ERBB4: variants seen among roughly 807,000 people sequenced by gnomAD.
ERBB4 encodes receptor tyrosine-protein kinase erbB-4.
Under a neutral mutation model 158.0 loss-of-function variants are expected in ERBB4, and 42 were observed. The ratio of observed to expected loss-of-function variants is 0.27; its 90% CI spans 0.21 to 0.34. The LOEUF is 0.34. Among genes scored for constraint, ERBB4 ranks in the 10% least tolerant of loss-of-function variants. ERBB4 has a pLI of 1.00. For missense variants in ERBB4, 1,333 were observed against 1,624.1 expected, an observed-to-expected ratio of 0.82 and a Z score of 3.08; for synonymous variants, 583 against 558.7, an observed-to-expected ratio of 1.04 and a Z score of -0.61.
At chr2:212,218,075 AG>A (rs1193156352) in intron 1 of ERBB4, among the ~76,000 whole-genome samples, 1 of 151,254 alleles carries the variant, frequency 6.6e-6, no homozygotes, top group Non-Finnish European at 1.5e-5. Flanking sequence ...TATTATGAAA[AG>A]TAACATAATA....
chr2:212,300,147 G>C (rs2086564841), intron 1 of ERBB4, among the ~76,000 whole-genome samples: 1 of 151,524 alleles, frequency 6.6e-6, no homozygotes, highest in African/African-American at 2.4e-5. Context: ...AAGAGGAAAG[G>C]ATTCATTACT....
At chr2:211,405,996 C>T (rs1165991310) in intron 25 of ERBB4, among the ~76,000 whole-genome samples, 1 of 152,286 alleles carries the variant, frequency 6.6e-6, no homozygotes, top group East Asian at 1.9e-4. Flanking sequence ...AAAACCATCA[C>T]TTCCATCAAA....
intron 5 of ERBB4, among the ~76,000 whole-genome samples, chr2:211,736,600 C>A (rs2074609915): frequency 6.6e-6 from 1 of 152,090 alleles, no homozygotes; most frequent in Non-Finnish European, 1.5e-5. Context: ...GAATTTAGAG[C>A]CACTGGTGAT....
chr2:212,520,426 T>C (rs1692091041), intron 1 of ERBB4, among the ~76,000 whole-genome samples: 1 of 151,926 alleles, frequency 6.6e-6, no homozygotes, highest in African/African-American at 2.4e-5. Context: ...ATTTCGGTAA[T>C]TCAACTACTA....
intron 1 of ERBB4, among the ~76,000 whole-genome samples, chr2:212,246,965 A>T (rs2084332677): frequency 6.6e-6 from 1 of 152,184 alleles, no homozygotes; most frequent in African/African-American, 2.4e-5. Flanking sequence ...ATAGGATTAG[A>T]TGATTTACAA....
intron 3 of ERBB4, among the ~76,000 whole-genome samples, chr2:211,925,522 C>G (rs1392341848): frequency 6.6e-6 from 1 of 150,936 alleles, no homozygotes; most frequent in Non-Finnish European, 1.5e-5. Flanking sequence ...GCTGGGATTA[C>G]AGGCACCCGC....
At chr2:211,701,867 C>A in intron 12 of ERBB4, 100 bp downstream of exon 12, 1 of 864,752 alleles carries the variant, frequency 1.2e-6, no homozygotes, top group Non-Finnish European at 1.9e-6. Context: ...GATAACAGAG[C>A]AACAATTCTG....
intron 12 of ERBB4, among the ~76,000 whole-genome samples, chr2:211,683,925 A>T (rs1025411538): frequency 6.6e-6 from 1 of 151,970 alleles, no homozygotes; most frequent in Non-Finnish European, 1.5e-5. Flanking sequence ...TTAAATTTAG[A>T]TTTCCATAAA....
At chr2:212,536,408 C>A (rs1693067637) in intron 1 of ERBB4, among the ~76,000 whole-genome samples, 1 of 152,126 alleles carries the variant, frequency 6.6e-6, no homozygotes, top group African/African-American at 2.4e-5. Flanking sequence ...GGGATGCACC[C>A]GAGAGCTTTT....
At chr2:212,060,670 T>A (rs1324087367) in intron 2 of ERBB4, among the ~76,000 whole-genome samples, 1 of 145,950 alleles carries the variant, frequency 6.9e-6, no homozygotes, top group Non-Finnish European at 1.5e-5. Flanking sequence ...GGGACATGGA[T>A]GAATCTGGAA....
intron 1 of ERBB4, among the ~76,000 whole-genome samples, chr2:212,243,501 G>A (rs2084193766): frequency 6.6e-6 from 1 of 152,086 alleles, no homozygotes; most frequent in South Asian, 2.1e-4. Flanking sequence ...TCTTACTGCA[G>A]CATCACTGCA....
At chr2:211,746,773 G>A (rs1016545328) in intron 5 of ERBB4, among the ~76,000 whole-genome samples, 4 of 150,416 alleles carry the variant, frequency 2.7e-5, no homozygotes, top group Non-Finnish European at 4.4e-5. Flanking sequence ...GAGGTTGCAC[G>A]GAGCCGAGAT....
intron 5 of ERBB4, among the ~76,000 whole-genome samples, chr2:211,748,181 T>A (rs1303379592): frequency 6.6e-6 from 1 of 152,010 alleles, no homozygotes; most frequent in African/African-American, 2.4e-5. Flanking sequence ...TCGATACATA[T>A]AATCTATACA....
intron 1 of ERBB4, among the ~76,000 whole-genome samples, chr2:212,271,985 G>C (rs1176698406): frequency 6.6e-6 from 1 of 151,618 alleles, no homozygotes; most frequent in Non-Finnish European, 1.5e-5. Context: ...AAATTAACTG[G>C]TTACCAATTA....
At chr2:211,677,700 C>T (rs540064887) in intron 13 of ERBB4, among the ~76,000 whole-genome samples, 14 of 151,736 alleles carry the variant, frequency 9.2e-5, no homozygotes, top group Middle Eastern at 3.5e-3. Context: ...CAGTGAAACC[C>T]CGTCTCTACC....
At position 211,513,676 on chromosome 2, in the gene ERBB4, C is replaced by T. The variant is rs114838663; in HGVS notation, c.2487+48227G>A. Among the ~76,000 whole-genome samples the T allele has an allele frequency of 2.5e-3, 383 of 152,202 alleles. 1 individual carries two copies. Among genetic ancestry groups the T allele is most frequent in the African/African-American group, 8.8e-3 (364 of 41,546 alleles). On this transcript the variant is annotated intron_variant, in intron 20 of 27. Coordinates refer to ENST00000342788, the MANE Select transcript of ERBB4 (RefSeq NM_005235.3). ...ACCCCAGGAAAAGAAACTTGGACAG[C>T]TCCTCCAGCTGCTAGAGTAATAGGT...
intron 25 of ERBB4, among the ~76,000 whole-genome samples, chr2:211,414,688 T>A (rs2063344414): frequency 6.6e-6 from 1 of 152,098 alleles, no homozygotes; most frequent in South Asian, 2.1e-4. Context: ...GTAAAGTGAA[T>A]GAAAAGTTTT....
intron 2 of ERBB4, among the ~76,000 whole-genome samples, chr2:212,045,432 T>A (rs934455034): frequency 6.6e-5 from 10 of 152,202 alleles, no homozygotes; most frequent in Non-Finnish European, 5.9e-5. Flanking sequence ...CACTCCAGCC[T>A]GGGCAATAGA....
chr2:212,398,122 GTATATATATACACA>G (rs2091084851), intron 1 of ERBB4, among the ~76,000 whole-genome samples: 1 of 134,792 alleles, frequency 7.4e-6, no homozygotes, highest in Non-Finnish European at 1.6e-5. Context: ...GTGTGTGTGT[GTATATATATACACA>G]TATATATATA....
Sources: gnomAD v4.1 joint callset for allele counts (sites outside exome capture counted in the v4.1 genomes callset) on GRCh38, gnomAD v4.1.1 for gene constraint, MANE v1.5 for transcripts, NCBI Gene and HGNC (gene_info 2026-07-23, HGNC 2026-07-21) for gene names.